The following ZNF654 variants were observed in gnomAD, a reference collection of about 807,000 sequenced individuals.
The protein encoded by ZNF654 is zinc finger protein 654.
A neutral mutation model predicts 95.3 loss-of-function variants in ZNF654; 19 were observed. That is an observed-to-expected ratio of 0.20 (90% CI 0.14 to 0.29). The LOEUF (loss-of-function observed/expected upper bound fraction) is 0.29. Ranked by LOEUF, ZNF654 falls within the 10% of genes least tolerant of loss-of-function variation. The pLI, the probability that ZNF654 is intolerant of heterozygous loss-of-function variation, is 1.00. For missense variants in ZNF654, 1,046 were observed against 1,341.0 expected (o/e 0.78, Z 3.44); for synonymous variants, 413 against 457.9 (o/e 0.90, Z 1.25).
chr3:88,109,294 T>C (rs1367918371), intron 2 of ZNF654, among the ~76,000 whole-genome samples: 1 of 152,104 alleles, frequency 6.6e-6, no homozygotes, highest in East Asian at 1.9e-4. Flanking sequence ...CACAATCAAA[T>C]GCTCTTTGTT....
chr3:88,095,657 T>G (rs1704015740), intron 2 of ZNF654: 1 of 481,020 alleles, frequency 2.1e-6, no homozygotes, highest in Non-Finnish European at 4.1e-6. Flanking sequence ...CATCACTCTG[T>G]TCTCTTTTTT....
intron 1 of ZNF654, among the ~76,000 whole-genome samples, chr3:88,082,534 A>G (rs1241933658): frequency 6.6e-6 from 1 of 152,250 alleles, no homozygotes; most frequent in African/African-American, 2.4e-5. Flanking sequence ...TGAGGTAATG[A>G]AAGTTGATGA....
rs1463049072 is a variant in ZNF654, at chr3:88,139,787, A to G, written c.2118A>G (p.Glu706=). The change falls in exon 8 of 9, where the codon GAA becomes GAG. Residue 706 remains glutamate (E), a synonymous_variant. Transcript: ENST00000636215. The part of the protein sequence containing the change: ...CGDDYEEEED[E]EGDYEEDDYD... ...ATGATTATGAGGAGGAAGAGGATGA[A>G]GAAGGTGATTATGAAGAAGATGATT... The G allele has an allele frequency of 6.4e-6, 10 of 1,555,146 alleles. No homozygotes were observed. Among genetic ancestry groups the G allele is most frequent in the Non-Finnish European group, 8.7e-6 (10 of 1,148,828 alleles).
At chr3:88,061,868 C>T (rs1706904602) in intron 1 of ZNF654, among the ~76,000 whole-genome samples, 1 of 152,096 alleles carries the variant, frequency 6.6e-6, no homozygotes, top group Non-Finnish European at 1.5e-5. Context: ...GGGTATGTGA[C>T]AGTTAACTAA....
chr3:88,116,555 T>C (rs954571005), intron 3 of ZNF654, among the ~76,000 whole-genome samples: 1 of 12,582 alleles, frequency 7.9e-5, no homozygotes, highest in Admixed American at 1.4e-3. Flanking sequence ...CATACATACA[T>C]ATATATACAC....
intron 2 of ZNF654, among the ~76,000 whole-genome samples, chr3:88,111,746 T>C (rs1445512794): frequency 6.6e-6 from 1 of 151,980 alleles, no homozygotes; most frequent in Non-Finnish European, 1.5e-5. Context: ...GTGTACATTT[T>C]AAATTGTGAT....
rs1707094227 is a variant in ZNF654, at chr3:88,141,038, A to G, written c.3369A>G (p.Ser1123=). ...GTCAGACACTCTTTGGATTTGATTC[A>G]GATGATGAAAGTAAGTCTTCTGTCT... ...KKCQTLFGFD[S]DDESA is the part of the protein sequence containing the mutation. The change falls in exon 8 of 9, where the codon TCA becomes TCG. Residue 1123 remains serine, a synonymous_variant. Transcript: ENST00000636215. The G allele has an allele frequency of 6.3e-7, 1 of 1,593,378 alleles. No homozygotes were observed. Among genetic ancestry groups the G allele is most frequent in the Non-Finnish European group, 8.5e-7 (1 of 1,171,216 alleles).
intron 1 of ZNF654, among the ~76,000 whole-genome samples, chr3:88,066,575 C>A (rs74477383): frequency 1.8e-4 from 27 of 147,074 alleles, no homozygotes; most frequent in African/African-American, 3.5e-4. Context: ...AACAAACAAA[C>A]AAACAAAAAA....
chr3:88,116,734 A>C (rs547464938), intron 3 of ZNF654, among the ~76,000 whole-genome samples: 1 of 152,066 alleles, frequency 6.6e-6, no homozygotes, highest in Non-Finnish European at 1.5e-5. Flanking sequence ...GAGGTAAGAA[A>C]GTCTTATAAG....
At chr3:88,095,083 T>G (rs1703980635) in intron 2 of ZNF654, among the ~76,000 whole-genome samples, 2 of 152,118 alleles carry the variant, frequency 1.3e-5, no homozygotes, top group Middle Eastern at 3.2e-3. Context: ...TTTTAGTAAT[T>G]TATTGGTTGA....
rs1704657088 is a variant in ZNF654, at chr3:88,105,111, C to T, written c.333-8004C>T. On this transcript the variant is annotated intron_variant, in intron 2 of 8. Transcript: ENST00000636215. ...GCTGAGTTGCACCACTGCACTCCAG[C>T]CTGAGCAAGAGAGCAAGACTCCATC... is the stretch of plus-strand genomic sequence containing the variant. 2.6e-5 allele frequency among the ~76,000 whole-genome samples: 4 copies of T among 152,294 alleles called. No homozygotes were observed. The South Asian group carries it at 8.3e-4, about 32-fold the overall frequency.
chr3:88,060,403 C>T lies in ZNF654; in HGVS notation c.186+898C>T, dbSNP rs550161800. Among the ~76,000 whole-genome samples, 4 of 152,298 alleles carry T rather than the reference C, an allele frequency of 2.6e-5. No homozygotes were observed. The East Asian group carries it at 7.7e-4, about 29-fold the overall frequency. On this transcript the variant is annotated intron_variant, in intron 1 of 8. Transcript: ENST00000636215. ...TTAGGGGTAAAGTTTGTGTACTCTG[C>T]ATTCTCATCTACCTGCATTTGTAAT...
Position 88,062,946 on chromosome 3 carries a change from G to A in ZNF654, c.186+3441G>A, listed in dbSNP as rs571911577. On this transcript the variant is annotated intron_variant, in intron 1 of 8. Coordinates refer to ENST00000636215, the MANE Select transcript of ZNF654 (RefSeq NM_001350134.2). Reference sequence around the variant, plus strand: ...GTAGGTAGCTTATAATTTGTGTTTCGCAGTAAACTTGAGAGAAAATTTAGA... The same window carrying A: ...GTAGGTAGCTTATAATTTGTGTTTCACAGTAAACTTGAGAGAAAATTTAGA... Among the ~76,000 whole-genome samples, 215 of 152,256 alleles carry A rather than the reference G, an allele frequency of 1.4e-3. 1 individual carries two copies. Among genetic ancestry groups the A allele is most frequent in the African/African-American group, 5.1e-3 (210 of 41,536 alleles).
chr3:88,086,018 T>C (rs568029149), intron 1 of ZNF654, among the ~76,000 whole-genome samples: 1 of 152,306 alleles, frequency 6.6e-6, no homozygotes, highest in East Asian at 1.9e-4. Context: ...GGTAAAACAT[T>C]GGTAGTTGAA....
rs773520518 is a variant in ZNF654 at position 88,139,805 on chromosome 3, A to T, written c.2136A>T (p.Glu712Asp). 7.1e-6 allele frequency: 11 copies of T among 1,558,526 alleles called. No homozygotes were observed. Among genetic ancestry groups the T allele is most frequent in the Middle Eastern group, 1.7e-4 (1 of 6,020 alleles). ...AGGATGAAGAAGGTGATTATGAAGA[A>T]GATGATTATGACCTGAATCAAGAAA... ...EEEDEEGDYE[E>D]DDYDLNQETS... The change falls in exon 8 of 9, where the codon GAA becomes GAT. Residue 712 changes from glutamate (E) to aspartate (D), a missense_variant. By Grantham distance (45) the Glu-to-Asp change is conservative. Coordinates refer to ENST00000636215, the MANE Select transcript of ZNF654 (RefSeq NM_001350134.2).
At chr3:88,071,522 T>C (rs2107615297) in intron 1 of ZNF654, among the ~76,000 whole-genome samples, 1 of 152,322 alleles carries the variant, frequency 6.6e-6, no homozygotes, top group African/African-American at 2.4e-5. Context: ...AGCGGGCGCC[T>C]GTAGTCCCAG....
intron 2 of ZNF654, among the ~76,000 whole-genome samples, chr3:88,091,560 C>T (rs528239396): frequency 6.6e-6 from 1 of 152,092 alleles, no homozygotes; most frequent in Non-Finnish European, 1.5e-5. Context: ...CATTTATTGA[C>T]TTCTCTTGCA....
intron 1 of ZNF654, among the ~76,000 whole-genome samples, chr3:88,060,118 CT>C (rs751685622): frequency 6.0e-5 from 9 of 151,208 alleles, no homozygotes; most frequent in African/African-American, 1.5e-4. Flanking sequence ...ATGTGATTGT[CT>C]TTTTTTTTAA....
At chr3:88,124,234 A>G (rs1320819326) in intron 3 of ZNF654, among the ~76,000 whole-genome samples, 1 of 152,186 alleles carries the variant, frequency 6.6e-6, no homozygotes, top group Non-Finnish European at 1.5e-5. Context: ...CCTCACAACA[A>G]TCCTATGAAG....
Sources: gnomAD v4.1 joint callset for allele counts (sites outside exome capture counted in the v4.1 genomes callset) on GRCh38, gnomAD v4.1.1 for gene constraint, MANE v1.5 for transcripts, NCBI Gene and HGNC (gene_info 2026-07-23, HGNC 2026-07-21) for gene names.